EVC2: variants seen among roughly 807,000 people sequenced by gnomAD.
EVC2 encodes the protein EvC ciliary complex subunit 2.
In EVC2, 148 loss-of-function variants were observed where a neutral mutation model predicts 149.3. That is an observed-to-expected ratio of 0.99 (90% CI 0.87 to 1.14). EVC2 has a LOEUF of 1.14. Among genes scored for constraint, EVC2 ranks in the 50% most tolerant of loss-of-function variants. EVC2 has a pLI of 0.00. For missense variants in EVC2, 1,854 were observed against 1,627.3 expected, an observed-to-expected ratio of 1.14 and a Z score of -2.40; for synonymous variants, 776 against 649.9, an observed-to-expected ratio of 1.19 and a Z score of -2.95.
chr4:5,655,053 G>T (rs114053722), intron 9 of EVC2, among the ~76,000 whole-genome samples: 186 of 152,292 alleles, frequency 1.2e-3, no homozygotes, highest in Middle Eastern at 6.8e-3. Flanking sequence ...GAGAACAGAA[G>T]GTGTTTGTCA....
chr4:5,566,744 G>C (rs1285641986), intron 20 of EVC2, among the ~76,000 whole-genome samples: 1 of 152,008 alleles, frequency 6.6e-6, no homozygotes, highest in Non-Finnish European at 1.5e-5. Context: ...GTCCCAGCTT[G>C]GCCTGTCCAT....
At chr4:5,586,413 C>G (rs192060197) in intron 16 of EVC2, among the ~76,000 whole-genome samples, 1 of 152,268 alleles carries the variant, frequency 6.6e-6, no homozygotes, top group African/African-American at 2.4e-5. Flanking sequence ...TAAGCCCCCC[C>G]TCAACCATCT....
chr4:5,688,069 A>G lies in EVC2; in HGVS notation c.706+1088T>C, dbSNP rs565606722. ...AGTTAAGAATAGCGGATTCATCTTTATATCATTGAAGGCAGGAAAGCACTG... is the reference window on the plus strand; with the variant it reads ...AGTTAAGAATAGCGGATTCATCTTTGTATCATTGAAGGCAGGAAAGCACTG... On this transcript the variant is annotated intron_variant, in intron 5 of 21. Transcript: ENST00000344408. Among the ~76,000 whole-genome samples, 4 of 152,270 alleles carry G rather than the reference A, an allele frequency of 2.6e-5. No homozygotes were observed. The South Asian group carries it at 8.3e-4, about 32-fold the overall frequency.
Position 5,614,994 on chromosome 4 carries a change from A to G in EVC2, c.2829+428T>C, listed in dbSNP as rs1455050465. 6.6e-6 allele frequency among the ~76,000 whole-genome samples: 1 copy of G among 151,464 alleles called. No homozygotes were observed. The highest frequency in any genetic ancestry group is 1.5e-5 in the Non-Finnish European group (1 of 67,662). ...TCCATTTCAAAAAAACCAAAACCAA[A>G]CAAACAAAAAAAAATGGGGCTGAAG... On this transcript the variant is annotated intron_variant, in intron 16 of 21. Coordinates refer to ENST00000344408, the MANE Select transcript of EVC2 (RefSeq NM_147127.5). The surrounding 1 kb of genome is among the most constrained non-coding windows in gnomAD (Gnocchi z 4.7).
rs573495920 is a variant in EVC2, at chr4:5,584,529, G to A, written c.3057+94C>T. ...CACAACCCCACAGCACAGACAGGAC[G>A]GGGGTTGCAGCCTGTTTCATAGAGG... On this transcript the variant is annotated intron_variant, in intron 17 of 21. Coordinates refer to ENST00000344408, the MANE Select transcript of EVC2 (RefSeq NM_147127.5). 679 of 1,261,544 alleles carry A rather than the reference G, an allele frequency of 5.4e-4. 1 individual carries two copies. The Middle Eastern group carries it at 8.4e-3, about 16-fold the overall frequency. 78.1% of individuals were successfully genotyped at this position (1,261,544 alleles called of 1,614,324 possible).
In EVC2 at chr4:5,625,305, CAT is replaced by C. The variant is rs1478389849; in HGVS notation, c.2046+442_2046+443del. 2.9e-4 allele frequency among the ~76,000 whole-genome samples: 34 copies of C among 115,510 alleles called. No homozygotes were observed. The highest frequency in any genetic ancestry group is 4.0e-3 in the Middle Eastern group (1 of 250). The allele number at this position is 115,510 out of a possible 152,430, so 75.8% of individuals were successfully genotyped here. A position where few individuals can be genotyped will look rare whatever the true frequency, so the allele number is the denominator to read the frequency against. ...CACTTACTAGATATTTGACCTTGAC[CAT>C]ACACACACACACACACACACACACA... is the stretch of plus-strand genomic sequence containing the variant. On this transcript the variant is annotated intron_variant, in intron 13 of 21. Coordinates refer to ENST00000344408, the MANE Select transcript of EVC2 (RefSeq NM_147127.5). The surrounding 1 kb of genome is among the most constrained non-coding windows in gnomAD (Gnocchi z 4.0).
chr4:5,631,107 T>C (rs1207851217), intron 11 of EVC2, among the ~76,000 whole-genome samples: 1 of 152,200 alleles, frequency 6.6e-6, no homozygotes, highest in Non-Finnish European at 1.5e-5. Context: ...AGAAATTATT[T>C]TGTTGGACTA....
chr4:5,638,983 G>T (rs1318805137), intron 10 of EVC2, among the ~76,000 whole-genome samples: 6 of 152,158 alleles, frequency 3.9e-5, no homozygotes, highest in Middle Eastern at 3.2e-3. Flanking sequence ...TATTATGGCA[G>T]CCACAGGAAA....
At chr4:5,608,388 G>C (rs1261214630) in intron 16 of EVC2, among the ~76,000 whole-genome samples, 2 of 152,142 alleles carry the variant, frequency 1.3e-5, no homozygotes, top group Non-Finnish European at 2.9e-5. Context: ...TGAACTCCAA[G>C]GGACCTCCCA....
In EVC2 at chr4:5,566,623, G is replaced by C. The variant is rs558425650; in HGVS notation, c.3558-1264C>G. Among the ~76,000 whole-genome samples the C allele has an allele frequency of 4.6e-4, 70 of 152,346 alleles. 1 individual carries two copies. Among genetic ancestry groups the C allele is most frequent in the African/African-American group, 1.7e-3 (69 of 41,582 alleles). On this transcript the variant is annotated intron_variant, in intron 20 of 21. Transcript: ENST00000344408. ...AGTGCATGCCCTGCCCTCAGAGATT[G>C]GGTTAGTGGCCTGGGACTCCAGAGT...
intron 7 of EVC2, among the ~76,000 whole-genome samples, chr4:5,673,586 T>C (rs1719804237): frequency 6.6e-6 from 1 of 152,154 alleles, no homozygotes; most frequent in South Asian, 2.1e-4. Context: ...TCCTCCTCAC[T>C]TTCCTTCTTG....
intron 16 of EVC2, among the ~76,000 whole-genome samples, chr4:5,610,053 C>A (rs1714695155): frequency 6.6e-6 from 1 of 152,154 alleles, no homozygotes; most frequent in South Asian, 2.1e-4. Context: ...CACTTCACCT[C>A]CCTGTACCTC....
Position 5,686,130 on chromosome 4 carries a change from A to ACACAT in EVC2, c.707-652_707-651insATGTG, listed in dbSNP as rs778550648. Among the ~76,000 whole-genome samples, 1 of 152,088 alleles carries ACACAT rather than the reference A, an allele frequency of 6.6e-6. No individual in the cohort carries two copies. On this transcript the variant is annotated intron_variant, in intron 5 of 21. Transcript: ENST00000344408. This position sits in a 1 kb window ranked among gnomAD's most constrained non-coding sequence, Gnocchi z 5.4. ...CACACACACACACACACACACACAG[A>ACACAT]GTAAAGAAAAGAGGAGGAACGCTCA...
At chr4:5,547,006 G>T (rs7691463) in intron 21 of EVC2, among the ~76,000 whole-genome samples, 16,296 of 152,226 alleles carry the variant, frequency 0.11, 1,751 homozygotes, top group African/African-American at 0.27. Flanking sequence ...CACCCCTGTG[G>T]CCACAGCTAC....
Position 5,689,308 on chromosome 4 carries a change from T to C in EVC2, c.555A>G (p.Ile185Met), listed in dbSNP as rs2151731889. Residue 185 changes from isoleucine (I) to methionine (M), a missense_variant, in exon 5 of 22, where the codon ATA becomes ATG. Coordinates refer to ENST00000344408, the MANE Select transcript of EVC2 (RefSeq NM_147127.5). ...SGSSEAQTAR[I>M]WLLVNNTKTT... ...TCTTGGTGTTGTTAACAAGCAGCCA[T>C]ATGCGGGCTGTCTGTGCTTCACTCG... 1.2e-6 allele frequency: 2 copies of C among 1,614,056 alleles called. No individual in the cohort carries two copies. The highest frequency in any genetic ancestry group is 1.7e-4 in the Middle Eastern group (1 of 6,058).
In EVC2 at chr4:5,618,386, G is replaced by T; in HGVS notation, c.2706+92C>A. On this transcript the variant is annotated intron_variant, in intron 15 of 21. Coordinates refer to ENST00000344408, the MANE Select transcript of EVC2 (RefSeq NM_147127.5). The surrounding 1 kb of genome is among the most constrained non-coding windows in gnomAD (Gnocchi z 4.4). ...GGATAGGGGAGCATGAGGTGAGATG[G>T]GCTCAGGCTGGGGAAGAGGCCAGAC... is the stretch of plus-strand genomic sequence containing the variant. The T allele has an allele frequency of 7.0e-7, 1 of 1,424,638 alleles. No homozygotes were observed. The highest frequency in any genetic ancestry group is 9.8e-7 in the Non-Finnish European group (1 of 1,016,524). 88.2% of individuals were successfully genotyped at this position (1,424,638 alleles called of 1,614,324 possible).
intron 9 of EVC2, among the ~76,000 whole-genome samples, chr4:5,661,675 C>G (rs1370786828): frequency 6.6e-6 from 1 of 152,212 alleles, no homozygotes; most frequent in East Asian, 1.9e-4. Context: ...GAAGGAACGA[C>G]AAGGCCATGC....
intron 10 of EVC2, among the ~76,000 whole-genome samples, chr4:5,638,397 A>AAC (rs1553839631): frequency 2.7e-5 from 4 of 148,770 alleles, no homozygotes; most frequent in Non-Finnish European, 3.0e-5. Flanking sequence ...TCAAAAAACA[A>AAC]AAAAAAAAAA....
intron 14 of EVC2, among the ~76,000 whole-genome samples, chr4:5,619,394 A>G (rs1715516104): frequency 6.6e-6 from 1 of 152,176 alleles, no homozygotes; most frequent in South Asian, 2.1e-4. Context: ...ACACACAGAG[A>G]GGCCATCTGA....
Sources: allele counts gnomAD v4.1 joint callset (sites outside exome capture counted in the v4.1 genomes callset), GRCh38; gene constraint gnomAD v4.1.1; non-coding constraint Gnocchi (gnomAD v3.1); transcripts MANE v1.5; gene names NCBI Gene and HGNC (gene_info 2026-07-23, HGNC 2026-07-21).